The following ZNF18 variants were observed in gnomAD, a reference collection of about 807,000 sequenced individuals.
ZNF18 encodes zinc finger protein 18.
ZNF18 carries 42 observed loss-of-function variants against 58.1 expected under a neutral mutation model. The ratio of observed to expected loss-of-function variants is 0.72; its 90% CI spans 0.56 to 0.93. ZNF18 has a LOEUF of 0.93. Among genes scored for constraint, ZNF18 ranks in the 40% least tolerant of loss-of-function variants. The pLI is 0.00. For missense variants in ZNF18, 540 were observed against 644.2 expected (o/e 0.84, Z 1.75); for synonymous variants, 231 against 239.8 (o/e 0.96, Z 0.34).
intron 1 of ZNF18, among the ~76,000 whole-genome samples, chr17:11,996,485 T>A (rs951575774): frequency 2.6e-5 from 4 of 152,168 alleles, no homozygotes; most frequent in African/African-American, 7.2e-5. Flanking sequence ...AGTAATATTA[T>A]ACTCCCAGGT....
At chr17:11,989,562 G>A (rs747686802) in intron 4 of ZNF18, among the ~76,000 whole-genome samples, 2 of 152,142 alleles carry the variant, frequency 1.3e-5, no homozygotes, top group Non-Finnish European at 2.9e-5. Context: ...AACTTCTAGA[G>A]GTGAAAAATT....
intron 2 of ZNF18, among the ~76,000 whole-genome samples, chr17:11,991,961 GGTAAC>G (rs950793892): frequency 5.9e-5 from 9 of 152,030 alleles, no homozygotes; most frequent in Non-Finnish European, 7.4e-5. Flanking sequence ...TGGAGGTACT[GGTAAC>G]GTAGCACGCC....
intron 6 of ZNF18, among the ~76,000 whole-genome samples, chr17:11,980,201 A>G (rs1319363176): frequency 6.6e-6 from 1 of 152,200 alleles, no homozygotes; most frequent in African/African-American, 2.4e-5. Flanking sequence ...TAAATATTGA[A>G]TATTTTTAAA....
At chr17:12,014,868 G>T in the ZNF18 span, among the ~76,000 whole-genome samples, 4 of 152,108 alleles carry the variant, frequency 2.6e-5, no homozygotes, top group African/African-American at 9.7e-5. Flanking sequence ...GGCTAACACG[G>T]TGAAACCGTC....
At chr17:11,998,964 T>C (rs1968611019), upstream of ZNF18, among the ~76,000 whole-genome samples, 1 of 151,870 alleles carries the variant, frequency 6.6e-6, no homozygotes, top group African/African-American at 2.4e-5. Flanking sequence ...GCATGAGCCA[T>C]GGCACCTAGC....
At chr17:12,016,428 C>G in the ZNF18 span, among the ~76,000 whole-genome samples, 1 of 152,142 alleles carries the variant, frequency 6.6e-6, no homozygotes. Context: ...CTCCTGGGTT[C>G]AAGTGATTCT....
intron 4 of ZNF18, among the ~76,000 whole-genome samples, chr17:11,985,231 C>T (rs1331630080): frequency 6.6e-6 from 1 of 152,150 alleles, no homozygotes; most frequent in Non-Finnish European, 1.5e-5. Flanking sequence ...CTGGGAATAC[C>T]ATACAGCTAG....
chr17:11,989,324 C>T (rs945059568), intron 4 of ZNF18, among the ~76,000 whole-genome samples: 2 of 151,658 alleles, frequency 1.3e-5, no homozygotes, highest in African/African-American at 4.9e-5. Context: ...AACCCTGTCT[C>T]AAAACAAACG....
the ZNF18 span, among the ~76,000 whole-genome samples, chr17:12,018,411 C>T: frequency 6.6e-6 from 1 of 152,104 alleles, no homozygotes; most frequent in Non-Finnish European, 1.5e-5. Context: ...TTTGAGGACA[C>T]ACTCTGTGGC....
upstream of ZNF18, among the ~76,000 whole-genome samples, chr17:11,999,097 T>TG (rs1476824351): frequency 6.6e-6 from 1 of 152,320 alleles, no homozygotes; most frequent in African/African-American, 2.4e-5. Flanking sequence ...CCAACATCAA[T>TG]GTGCTCTGCT....
chr17:11,978,442 C>T lies in ZNF18; in HGVS notation c.1165G>A (p.Glu389Lys), dbSNP rs1403844921. 6 of 1,565,122 alleles carry T rather than the reference C, an allele frequency of 3.8e-6. No individual in the cohort carries two copies. The Admixed American group carries it at 5.6e-5, about 15-fold the overall frequency. The part of the protein sequence containing the change: ...SGEMSTMWLE[E>K]KRETSQKGQP... ...CCCTTCTGGGAGGTCTCTCTCTTCT[C>T]CTCAAGCCACATGGTGGACATTTCT... is the stretch of plus-strand genomic sequence containing the variant. The change falls in exon 7 of 7, where the codon GAG becomes AAG. Residue 389 changes from glutamate (E) to lysine (K), a missense_variant. Coordinates refer to ENST00000580306, the MANE Select transcript of ZNF18 (RefSeq NM_001303281.2).
rs1486381203 is a variant in ZNF18, at chr17:11,992,738, T to G, written c.92A>C (p.Gln31Pro). 1.2e-6 allele frequency: 2 copies of G among 1,614,256 alleles called. No homozygotes were observed. Among genetic ancestry groups the G allele is most frequent in the Admixed American group, 3.3e-5 (2 of 60,034 alleles). ...SQFSESDAALQEELSSPETAR... is the reference protein window; with the variant it reads ...SQFSESDAALPEELSSPETAR... The stretch of plus-strand genomic sequence containing the variant: ...GGTCTCAGGGCTGGAGAGTTCCTCT[T>G]GAAGGGCAGCATCTGATTCTGAGAA... The change falls in exon 2 of 7, where the codon CAA (glutamine) becomes CCA (proline). Residue 31 changes from glutamine to proline, a missense_variant. By Grantham distance (76) the Gln-to-Pro change is moderately conservative. Coordinates refer to ENST00000580306, the MANE Select transcript of ZNF18 (RefSeq NM_001303281.2).
intron 3 of ZNF18, 38 bp from the exon 4 acceptor site, chr17:11,990,588 C>A: frequency 6.5e-7 from 1 of 1,541,446 alleles, no homozygotes; most frequent in South Asian, 1.2e-5. Flanking sequence ...ATCTGGATGT[C>A]TTCCTTAACC....
chr17:11,981,672 A>C (rs1967368608), intron 6 of ZNF18, among the ~76,000 whole-genome samples: 1 of 151,950 alleles, frequency 6.6e-6, no homozygotes, highest in South Asian at 2.1e-4. Context: ...GAGTAGGAAT[A>C]TAGTGAGCTA....
upstream of ZNF18, among the ~76,000 whole-genome samples, chr17:12,000,772 T>C (rs1326767163): frequency 6.6e-6 from 1 of 151,982 alleles, no homozygotes; most frequent in Non-Finnish European, 1.5e-5. Flanking sequence ...CATGATCAAA[T>C]GTAAGATGAG....
At position 11,995,181 on chromosome 17, in the gene ZNF18, G is replaced by A. The variant is rs917074935; in HGVS notation, c.-83+2250C>T. Reference sequence around the variant, plus strand: ...CCTAGCATTCTGGGCGTCCAAGGCAGGGGGATCATTTGAGGTCAGGAGTTC... The same window carrying A: ...CCTAGCATTCTGGGCGTCCAAGGCAAGGGGATCATTTGAGGTCAGGAGTTC... On this transcript the variant is annotated intron_variant, in intron 1 of 6. Transcript: ENST00000580306. Among the ~76,000 whole-genome samples, 4 of 151,704 alleles carry A rather than the reference G, an allele frequency of 2.6e-5. No homozygotes were observed. The East Asian group carries it at 5.8e-4, about 22-fold the overall frequency.
chr17:11,990,283 A>T (rs1446923473), intron 4 of ZNF18, among the ~76,000 whole-genome samples, 179 bp downstream of exon 4: 2 of 152,208 alleles, frequency 1.3e-5, no homozygotes, highest in African/African-American at 4.8e-5. Context: ...GAACAAAGAT[A>T]AGAGTACATT....
chr17:12,010,908 G>C, the ZNF18 span: 3 of 537,718 alleles, frequency 5.6e-6, no homozygotes, highest in Non-Finnish European at 1.0e-5. Context: ...ACTTGTTTCA[G>C]GAAGCTATCT....
chr17:12,020,551 C>T, the ZNF18 span, among the ~76,000 whole-genome samples: 1 of 152,204 alleles, frequency 6.6e-6, no homozygotes, highest in South Asian at 2.1e-4. Context: ...GAGTCACAGA[C>T]CTCCATGGGA....
Sources: gnomAD v4.1 joint callset for allele counts (sites outside exome capture counted in the v4.1 genomes callset) on GRCh38, gnomAD v4.1.1 for gene constraint, MANE v1.5 for transcripts, NCBI Gene and HGNC (gene_info 2026-07-23, HGNC 2026-07-21) for gene names.